Variants in MTCL2 observed in about 807,000 individuals in gnomAD.
MTCL2 encodes the protein microtubule cross-linking factor 2.
the MTCL2 span, among the ~76,000 whole-genome samples, chr20:36,847,340 T>C: frequency 6.6e-6 from 1 of 152,234 alleles, no homozygotes; most frequent in Non-Finnish European, 1.5e-5. Context: ...TTCCAGAACA[T>C]TTCCTTCCCA....
At chr20:36,798,165 G>A in the MTCL2 span, among the ~76,000 whole-genome samples, 1 of 151,950 alleles carries the variant, frequency 6.6e-6, no homozygotes, top group Non-Finnish European at 1.5e-5. Flanking sequence ...TGCCTCCCAG[G>A]TTCAAGCAAT....
At chr20:36,841,155 CAAAAAAAAAAAAAAA>C in the MTCL2 span, among the ~76,000 whole-genome samples, 17 of 40,352 alleles carry the variant, frequency 4.2e-4, no homozygotes, top group Admixed American at 2.7e-3. Flanking sequence ...ACTAAAAATA[CAAAAAAAAAAAAAAA>C]AAAAAAAAAA....
the MTCL2 span, chr20:36,803,112 G>A: frequency 1.6e-5 from 26 of 1,594,916 alleles, no homozygotes; most frequent in Non-Finnish European, 2.1e-5. Flanking sequence ...CTCCATCTGC[G>A]GAAAGAAGCA....
At chr20:36,849,818 G>A in the MTCL2 span, among the ~76,000 whole-genome samples, 15 of 152,192 alleles carry the variant, frequency 9.9e-5, no homozygotes, top group East Asian at 1.9e-4. Context: ...TGGCTATGAC[G>A]GAATTGGCCT....
At chr20:36,855,113 A>G in the MTCL2 span, among the ~76,000 whole-genome samples, 3 of 152,356 alleles carry the variant, frequency 2.0e-5, no homozygotes, top group Admixed American at 2.0e-4. Flanking sequence ...AGAGCCAGAT[A>G]TAACAGGCAA....
At chr20:36,787,627 C>T in the MTCL2 span, among the ~76,000 whole-genome samples, 844 of 152,082 alleles carry the variant, frequency 5.5e-3, 8 homozygotes, top group Non-Finnish European at 6.7e-3. Flanking sequence ...GTGGCTCATG[C>T]CTGTAATCCT....
At chr20:36,783,648 G>T in the MTCL2 span, 1 of 470,378 alleles carries the variant, frequency 2.1e-6, no homozygotes, top group Non-Finnish European at 2.8e-6. Flanking sequence ...ACGGGTTCGA[G>T]AAGGGCAGCA....
the MTCL2 span, chr20:36,802,874 C>T: frequency 6.3e-7 from 1 of 1,577,918 alleles, no homozygotes; most frequent in Non-Finnish European, 8.6e-7. Flanking sequence ...GGCGGTTCTG[C>T]AGCTCCTTCA....
At chr20:36,781,395 G>A in the MTCL2 span, 1 of 152,192 alleles carries the variant, frequency 6.6e-6, no homozygotes, top group Middle Eastern at 3.4e-3. Context: ...AATTAGTCGG[G>A]TGTGGTGGCA....
the MTCL2 span, among the ~76,000 whole-genome samples, chr20:36,801,277 G>A: frequency 6.6e-6 from 1 of 152,072 alleles, no homozygotes; most frequent in Non-Finnish European, 1.5e-5. Flanking sequence ...ACAAATCATA[G>A]TATCTCCACA....
the MTCL2 span, among the ~76,000 whole-genome samples, chr20:36,846,887 G>A: frequency 1.3e-5 from 2 of 152,208 alleles, no homozygotes; most frequent in African/African-American, 4.8e-5. Flanking sequence ...GCGTGTGCCT[G>A]TAATCCCAGC....
chr20:36,819,900 G>A, the MTCL2 span, among the ~76,000 whole-genome samples: 1 of 152,186 alleles, frequency 6.6e-6, no homozygotes, highest in Admixed American at 6.5e-5. Flanking sequence ...GCTTTCAAAA[G>A]CTGGAAGGGA....
chr20:36,816,066 A>T, the MTCL2 span: 9 of 1,613,484 alleles, frequency 5.6e-6, no homozygotes, highest in Middle Eastern at 1.6e-4. Flanking sequence ...GCGGCTCAGC[A>T]GGTTGGCTTC....
the MTCL2 span, among the ~76,000 whole-genome samples, chr20:36,833,944 C>T: frequency 6.6e-6 from 1 of 152,188 alleles, no homozygotes; most frequent in Non-Finnish European, 1.5e-5. Context: ...CGGCAGATCA[C>T]TTGAGGTCAG....
the MTCL2 span, among the ~76,000 whole-genome samples, chr20:36,833,867 A>G: frequency 6.6e-6 from 1 of 151,574 alleles, no homozygotes; most frequent in East Asian, 1.9e-4. Flanking sequence ...AGAAAGAAAG[A>G]AACAAAGAAA....
At chr20:36,786,659 G>A in the MTCL2 span, 25 of 1,542,230 alleles carry the variant, frequency 1.6e-5, no homozygotes, top group East Asian at 6.1e-4. Context: ...GAGGCAGGGA[G>A]GCAGGAAGTC....
the MTCL2 span, among the ~76,000 whole-genome samples, chr20:36,816,481 A>T: frequency 6.6e-6 from 1 of 152,058 alleles, no homozygotes; most frequent in Non-Finnish European, 1.5e-5. Flanking sequence ...TGTTGAAATG[A>T]CAGCAAGGAT....
the MTCL2 span, among the ~76,000 whole-genome samples, chr20:36,861,334 C>T: frequency 6.6e-6 from 1 of 152,164 alleles, no homozygotes; most frequent in Non-Finnish European, 1.5e-5. Context: ...GGGAAGACAT[C>T]CTCCCATTTA....
chr20:36,791,627 C>CT, the MTCL2 span, among the ~76,000 whole-genome samples: 3 of 152,230 alleles, frequency 2.0e-5, no homozygotes, highest in Non-Finnish European at 4.4e-5. Flanking sequence ...CTGCACCAAT[C>CT]AGAGTTTCCT....
Sources: allele counts gnomAD v4.1 joint callset (sites outside exome capture counted in the v4.1 genomes callset), GRCh38; gene constraint gnomAD v4.1.1; transcripts MANE v1.5; gene names NCBI Gene and HGNC (gene_info 2026-07-23, HGNC 2026-07-21).